Variants in PARN observed in about 807,000 individuals in gnomAD.
PARN encodes the protein poly(A)-specific ribonuclease.
PARN carries 71 observed loss-of-function variants against 102.8 expected under a neutral mutation model. The observed-to-expected ratio is 0.69, with a 90% confidence interval of 0.57 to 0.84. The LOEUF is 0.84. PARN is among the 40% of genes least tolerant of loss of function. The probability of loss-of-function intolerance (pLI) is 0.00; values close to 1 mark genes in which losing one functional copy is unlikely to be tolerated. For synonymous variants in PARN, 261 were observed against 252.9 expected, an observed-to-expected ratio of 1.03 and a Z score of -0.30; for missense variants, 782 against 760.9, an observed-to-expected ratio of 1.03 and a Z score of -0.33.
chr16:14,607,352 C>A (rs1286406309), intron 9 of PARN, among the ~76,000 whole-genome samples: 1 of 152,030 alleles, frequency 6.6e-6, no homozygotes, highest in African/African-American at 2.4e-5. Flanking sequence ...GGATTACAGG[C>A]ATGTGCCACC....
intron 18 of PARN, among the ~76,000 whole-genome samples, chr16:14,557,769 G>A (rs1189253122): frequency 1.3e-5 from 2 of 152,090 alleles, no homozygotes; most frequent in African/African-American, 2.4e-5. Flanking sequence ...AGGCTCAAGT[G>A]TACTATTCTG....
chr16:14,460,674 T>G (rs1228183572), intron 22 of PARN, among the ~76,000 whole-genome samples: 1 of 152,200 alleles, frequency 6.6e-6, no homozygotes, highest in African/African-American at 2.4e-5. Context: ...GCCACAACAT[T>G]TAGTACACTG....
intron 21 of PARN, among the ~76,000 whole-genome samples, chr16:14,546,359 T>A (rs1966942602): frequency 6.6e-6 from 1 of 152,168 alleles, no homozygotes; most frequent in Non-Finnish European, 1.5e-5. Context: ...TCTTCCCTCA[T>A]CCCAAAAATC....
intron 21 of PARN, among the ~76,000 whole-genome samples, chr16:14,492,615 C>T (rs1048954244): frequency 6.6e-6 from 1 of 152,218 alleles, no homozygotes; most frequent in Non-Finnish European, 1.5e-5. Context: ...CATCCTTCCC[C>T]TCAATTAAAT....
At chr16:14,483,090 G>A (rs1035641378) in intron 21 of PARN, among the ~76,000 whole-genome samples, 3 of 152,148 alleles carry the variant, frequency 2.0e-5, no homozygotes, top group East Asian at 3.8e-4. Context: ...GTAAAGAACC[G>A]GTAATGATAT....
At chr16:14,592,614 C>G (rs141894913) in intron 13 of PARN, among the ~76,000 whole-genome samples, 144 of 152,278 alleles carry the variant, frequency 9.5e-4, no homozygotes, top group African/African-American at 3.3e-3. Flanking sequence ...CTAAGGGAAG[C>G]AGCCTAGCAA....
At chr16:14,542,252 C>T (rs1000011039) in intron 21 of PARN, among the ~76,000 whole-genome samples, 2 of 151,920 alleles carry the variant, frequency 1.3e-5, no homozygotes, top group Non-Finnish European at 2.9e-5. Flanking sequence ...GTAATCTTCC[C>T]TCCTTTGCCT....
At chr16:14,556,867 T>G (rs1967722702) in intron 18 of PARN, among the ~76,000 whole-genome samples, 1 of 152,104 alleles carries the variant, frequency 6.6e-6, no homozygotes, top group African/African-American at 2.4e-5. Context: ...AGTGACTGTC[T>G]CAAAAGCCCA....
At chr16:14,600,073 T>C (rs1262324354) in intron 11 of PARN, 113 bp from the exon 12 acceptor site, 1 of 581,138 alleles carries the variant, frequency 1.7e-6, no homozygotes, top group Non-Finnish European at 2.9e-6. Context: ...TTAGATAGCT[T>C]TAGTTTCCTG....
Position 14,569,923 on chromosome 16 carries a change from T to G in PARN, c.1262+10951A>C, listed in dbSNP as rs1248725909. Among the ~76,000 whole-genome samples, 5 of 152,284 alleles carry G rather than the reference T, an allele frequency of 3.3e-5. No homozygotes were observed. In the Middle Eastern group the frequency reaches 0.01, roughly 311 times the overall value. On this transcript the variant is annotated intron_variant, in intron 18 of 23. Coordinates refer to ENST00000437198, the MANE Select transcript of PARN (RefSeq NM_002582.4). ...ATTTTAAATGGTTAAATAGCAAAAG[T>G]TGTATATTTTACCAAATTAAAAAAA...
At chr16:14,581,059 C>T in intron 17 of PARN, 116 bp from the exon 18 acceptor site, 2 of 536,570 alleles carry the variant, frequency 3.7e-6, no homozygotes, top group Non-Finnish European at 3.4e-6. Flanking sequence ...GAAAGGTATT[C>T]TTTTTTTTTT....
At chr16:14,479,920 CAA>C (rs58833234) in intron 22 of PARN, among the ~76,000 whole-genome samples, 33 of 102,784 alleles carry the variant, frequency 3.2e-4, no homozygotes, top group Admixed American at 3.0e-4. Flanking sequence ...AACCTTCTAC[CAA>C]AAAAAAAAAA....
chr16:14,596,541 G>C (rs946033047), intron 12 of PARN, among the ~76,000 whole-genome samples: 4 of 151,734 alleles, frequency 2.6e-5, no homozygotes, highest in Non-Finnish European at 5.9e-5. Context: ...TTCAAGACCA[G>C]CCTGGACAAC....
chr16:14,630,240 C>G lies in PARN; in HGVS notation c.-115G>C, dbSNP rs941784578. 5 of 902,808 alleles carry G rather than the reference C, an allele frequency of 5.5e-6. No individual in the cohort carries two copies. Among genetic ancestry groups the G allele is most frequent in the Middle Eastern group, 3.1e-4 (1 of 3,206 alleles). 55.9% of individuals were successfully genotyped at this position (902,808 alleles called of 1,614,324 possible). Reference sequence around the variant, plus strand: ...AGCTGAGGCAGCCGCAGCGGTGACGCCGGCCGCGACTTCCGGAAACAGCGC... The same window carrying G: ...AGCTGAGGCAGCCGCAGCGGTGACGGCGGCCGCGACTTCCGGAAACAGCGC... On this transcript the variant is annotated 5_prime_UTR_variant, in exon 1 of 24. Coordinates refer to ENST00000437198, the MANE Select transcript of PARN (RefSeq NM_002582.4).
intron 6 of PARN, among the ~76,000 whole-genome samples, chr16:14,612,963 A>C (rs951843361): frequency 6.6e-6 from 1 of 151,598 alleles, no homozygotes; most frequent in Non-Finnish European, 1.5e-5. Context: ...CTATAGCTCA[A>C]GAGAAAGGTG....
chr16:14,585,328 G>T (rs1253834032), intron 14 of PARN, among the ~76,000 whole-genome samples: 1 of 151,302 alleles, frequency 6.6e-6, no homozygotes, highest in Non-Finnish European at 1.5e-5. Context: ...AAAAGGGGAG[G>T]GTGGGGAGAA....
At chr16:14,574,409 C>G (rs895415175) in intron 18 of PARN, among the ~76,000 whole-genome samples, 11 of 152,042 alleles carry the variant, frequency 7.2e-5, no homozygotes, top group Non-Finnish European at 1.2e-4. Flanking sequence ...TGAAACCTGA[C>G]AATGTGATAG....
rs190955355 is a variant in PARN at position 14,493,984 on chromosome 16, C to A, written c.1481-11157G>T. Reference sequence around the variant, plus strand: ...CTACTTTCCAAACAAATACAGTTGACCCTCGAACAATCTGTGTTTGAACTG... The same window carrying A: ...CTACTTTCCAAACAAATACAGTTGAACCTCGAACAATCTGTGTTTGAACTG... On this transcript the variant is annotated intron_variant, in intron 21 of 23. Coordinates refer to ENST00000437198, the MANE Select transcript of PARN (RefSeq NM_002582.4). Among the ~76,000 whole-genome samples the A allele has an allele frequency of 2.8e-3, 432 of 152,288 alleles. 2 individuals are homozygous for A. Among genetic ancestry groups the A allele is most frequent in the Admixed American group, 4.5e-3 (69 of 15,290 alleles).
chr16:14,482,979 T>A (rs1225295616), intron 21 of PARN, among the ~76,000 whole-genome samples, 152 bp from the exon 22 acceptor site: 1 of 152,160 alleles, frequency 6.6e-6, no homozygotes, highest in Non-Finnish European at 1.5e-5. Flanking sequence ...ACAAATGACC[T>A]TGGGTACACC....
Sources: allele counts gnomAD v4.1 joint callset (sites outside exome capture counted in the v4.1 genomes callset), GRCh38; gene constraint gnomAD v4.1.1; transcripts MANE v1.5; gene names NCBI Gene and HGNC (gene_info 2026-07-23, HGNC 2026-07-21).